The following PDE10A variants were observed in gnomAD, a reference collection of about 807,000 sequenced individuals.
PDE10A encodes the protein cAMP and cAMP-inhibited cGMP 3',5'-cyclic phosphodiesterase 10A.
A neutral mutation model predicts 97.7 loss-of-function variants in PDE10A; 39 were observed. The observed-to-expected ratio is 0.40, with a 90% CI of 0.31 to 0.52. The LOEUF is 0.52. Ranked by LOEUF, PDE10A falls within the 20% of genes least tolerant of loss-of-function variation. The pLI is 0.56. For missense variants in PDE10A, 731 were observed against 1,047.8 expected (o/e 0.70, Z 4.17); for synonymous variants, 371 against 376.8 (o/e 0.98, Z 0.18).
At chr6:165,615,717 T>TG (rs1787698177) in intron 1 of PDE10A, among the ~76,000 whole-genome samples, 2 of 152,366 alleles carry the variant, frequency 1.3e-5, no homozygotes, top group South Asian at 4.1e-4. Flanking sequence ...ACTCAGTTAC[T>TG]ACCTAGTTTA....
chr6:165,366,981 A>T (rs1783813435), intron 18 of PDE10A, among the ~76,000 whole-genome samples: 1 of 152,196 alleles, frequency 6.6e-6, no homozygotes, highest in Non-Finnish European at 1.5e-5. Flanking sequence ...CCATGTAAAG[A>T]AACTGAAAAA....
chr6:165,800,350 T>C lies in PDE10A; in HGVS notation c.-615+187179A>G, dbSNP rs73031914. Among the ~76,000 whole-genome samples the C allele has an allele frequency of 9.5e-3, 1,443 of 152,184 alleles. 6 individuals are homozygous for C. The highest frequency in any genetic ancestry group is 0.016 in the Non-Finnish European group (1,078 of 68,008). On this transcript the variant is annotated intron_variant, in intron 1 of 19. Coordinates refer to the PDE10A transcript ENST00000366882. The stretch of plus-strand genomic sequence containing the variant: ...GTCTGCCTGTAAAGGTGTAAGGAAA[T>C]TGGGAATTTTTATACTGTGTTGGAA...
At chr6:165,645,331 C>G (rs1789341205) in intron 1 of PDE10A, among the ~76,000 whole-genome samples, 1 of 152,180 alleles carries the variant, frequency 6.6e-6, no homozygotes, top group African/African-American at 2.4e-5. Flanking sequence ...CTCCCTACTC[C>G]TGCCTGCTGC....
chr6:165,616,054 C>A (rs1418324585), intron 1 of PDE10A, among the ~76,000 whole-genome samples: 1 of 152,188 alleles, frequency 6.6e-6, no homozygotes, highest in African/African-American at 2.4e-5. Flanking sequence ...CAAGTACTGA[C>A]TTCCCAGTAA....
At chr6:165,756,972 A>ATTTTT (rs34234898) in intron 1 of PDE10A, among the ~76,000 whole-genome samples, 1 of 146,320 alleles carries the variant, frequency 6.8e-6, no homozygotes, top group African/African-American at 2.5e-5. Flanking sequence ...TTAGGATGCT[A>ATTTTT]TTTTTTTTTT....
chr6:165,370,018 C>T (rs1784111815), intron 18 of PDE10A, among the ~76,000 whole-genome samples: 1 of 152,130 alleles, frequency 6.6e-6, no homozygotes, highest in Non-Finnish European at 1.5e-5. Context: ...ACTTTACAGA[C>T]AAGCAAATGC....
chr6:165,659,377 C>T (rs1424626278), intron 1 of PDE10A, among the ~76,000 whole-genome samples: 1 of 152,044 alleles, frequency 6.6e-6, no homozygotes, highest in Admixed American at 6.5e-5. Context: ...TTTCAAAAGA[C>T]TGATTTTTTA....
At chr6:165,876,911 C>T (rs904851506) in intron 1 of PDE10A, among the ~76,000 whole-genome samples, 7 of 152,124 alleles carry the variant, frequency 4.6e-5, no homozygotes, top group Non-Finnish European at 1.0e-4. Context: ...AAACAAATTC[C>T]GACTGAAATG....
intron 1 of PDE10A, among the ~76,000 whole-genome samples, chr6:165,855,308 G>GTT (rs1422786930): frequency 2.2e-5 from 1 of 45,184 alleles, no homozygotes; most frequent in African/African-American, 5.2e-5. Flanking sequence ...GAAGTGGCGG[G>GTT]GGGGGGGGGG....
intron 1 of PDE10A, among the ~76,000 whole-genome samples, chr6:165,583,032 A>C (rs1434509210): frequency 6.6e-6 from 1 of 152,138 alleles, no homozygotes; most frequent in African/African-American, 2.4e-5. Context: ...TTCGATGCAA[A>C]GCTTTTCTGA....
intron 1 of PDE10A, among the ~76,000 whole-genome samples, chr6:165,906,077 CCTCCCTCCCTCCCTTCCTTT>C (rs1782276450): frequency 6.5e-5 from 2 of 30,790 alleles, no homozygotes; most frequent in African/African-American, 2.2e-4. Context: ...TCCCTTCCTT[CCTCCCTCCCTCCCTTCCTTT>C]CTTCCTTTCT....
chr6:165,392,941 C>T (rs1171368840), intron 15 of PDE10A, 145 bp from the exon 16 acceptor site: 2 of 687,528 alleles, frequency 2.9e-6, no homozygotes, highest in Non-Finnish European at 5.0e-6. Context: ...TCCATGAGCA[C>T]TGGAAACTCA....
intron 1 of PDE10A, among the ~76,000 whole-genome samples, chr6:165,854,327 A>C (rs1298317859): frequency 6.6e-6 from 1 of 152,140 alleles, no homozygotes; most frequent in African/African-American, 2.4e-5. Flanking sequence ...CGCCTGGCAC[A>C]GGGACCCAGG....
intron 1 of PDE10A, among the ~76,000 whole-genome samples, chr6:165,674,923 C>G (rs1482390483): frequency 6.6e-6 from 1 of 152,160 alleles, no homozygotes; most frequent in Non-Finnish European, 1.5e-5. Flanking sequence ...CACTCTTAGA[C>G]TCCACACTTC....
chr6:165,423,600 G>A (rs1788883911), intron 10 of PDE10A, among the ~76,000 whole-genome samples: 1 of 152,154 alleles, frequency 6.6e-6, no homozygotes, highest in Non-Finnish European at 1.5e-5. Context: ...GGGCGCGGTG[G>A]CTGACGCCTG....
At chr6:165,854,753 A>C (rs144061681) in intron 1 of PDE10A, among the ~76,000 whole-genome samples, 6,182 of 152,212 alleles carry the variant, frequency 0.041, 148 homozygotes, top group Middle Eastern at 0.078. Flanking sequence ...GGGGTCCGGG[A>C]GGAGGGCAGC....
chr6:165,726,656 G>A (rs1331214219), intron 1 of PDE10A, among the ~76,000 whole-genome samples: 1 of 152,192 alleles, frequency 6.6e-6, no homozygotes, highest in Non-Finnish European at 1.5e-5. Flanking sequence ...CCTTTGTTGA[G>A]CAGGGAGAGT....
At chr6:165,542,255 T>C (rs1252084152) in intron 2 of PDE10A, among the ~76,000 whole-genome samples, 1 of 152,186 alleles carries the variant, frequency 6.6e-6, no homozygotes, top group African/African-American at 2.4e-5. Flanking sequence ...GAAATAAGTT[T>C]AGCCAAATAT....
chr6:165,796,788 T>C (rs576584948), intron 1 of PDE10A, among the ~76,000 whole-genome samples: 8 of 152,258 alleles, frequency 5.3e-5, no homozygotes, highest in Admixed American at 3.3e-4. Flanking sequence ...GGGTTTCAAA[T>C]AGTCTATAAA....
Sources: allele counts gnomAD v4.1 joint callset (sites outside exome capture counted in the v4.1 genomes callset), GRCh38; gene constraint gnomAD v4.1.1; transcripts MANE v1.5; gene names NCBI Gene and HGNC (gene_info 2026-07-23, HGNC 2026-07-21).